The following RPIA variants were observed in gnomAD, a reference collection of about 807,000 sequenced individuals.
RPIA encodes the protein ribose 5-phosphate isomerase A.
A neutral mutation model predicts 37.8 loss-of-function variants in RPIA; 29 were observed. That is an observed-to-expected ratio of 0.77 (90% CI 0.57 to 1.05). The LOEUF (loss-of-function observed/expected upper bound fraction) is 1.05, where lower values mean the gene tolerates loss of function less well. Among genes scored for constraint, RPIA ranks in the 50% least tolerant of loss-of-function variants. The pLI, the probability that RPIA is intolerant of heterozygous loss-of-function variation, is 0.00. For synonymous variants in RPIA, 167 were observed against 157.0 expected, an observed-to-expected ratio of 1.06 and a Z score of -0.48; for missense variants, 385 against 413.6, an observed-to-expected ratio of 0.93 and a Z score of 0.60.
At chr2:88,699,193 T>C (rs1672796999) in intron 2 of RPIA, among the ~76,000 whole-genome samples, 1 of 152,232 alleles carries the variant, frequency 6.6e-6, no homozygotes, top group Non-Finnish European at 1.5e-5. Context: ...GTGGTTTTAG[T>C]GCTGGTGTGA....
chr2:88,710,919 T>TA (rs1368944349), intron 3 of RPIA, among the ~76,000 whole-genome samples: 1 of 152,218 alleles, frequency 6.6e-6, no homozygotes, highest in Non-Finnish European at 1.5e-5. Context: ...TCTGCTCTCT[T>TA]AGGTGTTTCA....
chr2:88,719,531 T>C (rs1469981969), intron 3 of RPIA, among the ~76,000 whole-genome samples: 3 of 152,162 alleles, frequency 2.0e-5, no homozygotes, highest in South Asian at 2.1e-4. Context: ...TTTGGAAATA[T>C]TGTCAAATAT....
At chr2:88,716,298 C>T (rs1006106424) in intron 3 of RPIA, among the ~76,000 whole-genome samples, 1 of 152,192 alleles carries the variant, frequency 6.6e-6, no homozygotes, top group Non-Finnish European at 1.5e-5. Flanking sequence ...ACATCTGATA[C>T]ATATTGATTG....
chr2:88,695,347 A>G (rs1672719590), intron 1 of RPIA, among the ~76,000 whole-genome samples: 1 of 152,206 alleles, frequency 6.6e-6, no homozygotes, highest in South Asian at 2.1e-4. Context: ...CAACCAGTGG[A>G]ACCTTATGGT....
At chr2:88,734,301 A>G (rs1336186482) in intron 4 of RPIA, among the ~76,000 whole-genome samples, 1 of 152,102 alleles carries the variant, frequency 6.6e-6, no homozygotes, top group African/African-American at 2.4e-5. Flanking sequence ...GAAGCCCATC[A>G]ATGAGAAAAG....
intron 1 of RPIA, among the ~76,000 whole-genome samples, chr2:88,693,637 T>C (rs1295661241): frequency 6.6e-6 from 1 of 152,280 alleles, no homozygotes; most frequent in African/African-American, 2.4e-5. Context: ...TCATTTAGCA[T>C]TGGTCACAGT....
intron 1 of RPIA, among the ~76,000 whole-genome samples, chr2:88,696,146 AG>A (rs1385624010): frequency 6.6e-6 from 1 of 152,164 alleles, no homozygotes; most frequent in Non-Finnish European, 1.5e-5. Flanking sequence ...CCTAAAAAGA[AG>A]GTTTTACTAT....
At chr2:88,734,486 T>C (rs1673291159) in intron 4 of RPIA, 66 bp from the exon 5 acceptor site, 4 of 1,474,276 alleles carry the variant, frequency 2.7e-6, no homozygotes, top group Non-Finnish European at 3.8e-6. Context: ...AGCTATCGCA[T>C]GCTCAGGCAA....
intron 5 of RPIA, 96 bp downstream of exon 5, chr2:88,734,712 A>G (rs1673294727): frequency 2.3e-6 from 3 of 1,294,468 alleles, no homozygotes; most frequent in Non-Finnish European, 3.4e-6. Context: ...CCACTGTGAC[A>G]TATGCAAGTT....
intron 4 of RPIA, among the ~76,000 whole-genome samples, chr2:88,732,583 T>A (rs1573475035): frequency 2.2e-4 from 1 of 4,632 alleles, no homozygotes; most frequent in Non-Finnish European, 4.3e-4. Context: ...TGTGGTGGGG[T>A]CGGGGGAGGG....
At chr2:88,746,937 G>A (rs879905628) in intron 8 of RPIA, among the ~76,000 whole-genome samples, 1 of 152,190 alleles carries the variant, frequency 6.6e-6, no homozygotes, top group Non-Finnish European at 1.5e-5. Context: ...AGTAGTATAG[G>A]GGGGATACAA....
intron 8 of RPIA, among the ~76,000 whole-genome samples, chr2:88,739,806 C>T (rs772198724): frequency 1.8e-4 from 28 of 152,066 alleles, no homozygotes; most frequent in Admixed American, 2.6e-4. Context: ...TTTATAGAAA[C>T]GGGGTTTCAC....
At position 88,721,563 on chromosome 2, in the gene RPIA, ACACACACACC is replaced by A. The variant is rs1408306621; in HGVS notation, c.403-7713_403-7704del. 4.3e-3 allele frequency among the ~76,000 whole-genome samples: 271 copies of A among 62,354 alleles called. 3 individuals are homozygous for A. Among genetic ancestry groups the A allele is most frequent in the African/African-American group, 0.017 (252 of 15,254 alleles). The allele number at this position is 62,354 out of a possible 152,430, so 40.9% of individuals were successfully genotyped here. A position where few individuals can be genotyped will look rare whatever the true frequency, so the allele number is the denominator to read the frequency against. On this transcript the variant is annotated intron_variant, in intron 3 of 8. Coordinates refer to ENST00000283646, the MANE Select transcript of RPIA (RefSeq NM_144563.3). The stretch of plus-strand genomic sequence containing the variant: ...ATATTATACACACACACACACACAC[ACACACACACC>A]CCCCCCCCCACATGCACACATGTTT...
chr2:88,720,088 G>A (rs1204967785), intron 3 of RPIA, among the ~76,000 whole-genome samples: 1 of 152,136 alleles, frequency 6.6e-6, no homozygotes, highest in African/African-American at 2.4e-5. Context: ...GGGGCCTGAT[G>A]ATGAGGCTTT....
chr2:88,730,368 TTA>T (rs1303405728), intron 4 of RPIA, among the ~76,000 whole-genome samples: 1 of 104,878 alleles, frequency 9.5e-6, no homozygotes, highest in Admixed American at 8.5e-5. Context: ...ATCAAAAAGC[TTA>T]TCCACCATGA....
At chr2:88,734,974 A>G (rs549857721) in intron 5 of RPIA, among the ~76,000 whole-genome samples, 15 of 152,330 alleles carry the variant, frequency 9.8e-5, no homozygotes, top group South Asian at 4.1e-4. Context: ...AGCTGTGCTT[A>G]CTTCTGTGAG....
At chr2:88,711,826 T>C (rs1009040387) in intron 3 of RPIA, among the ~76,000 whole-genome samples, 2 of 152,246 alleles carry the variant, frequency 1.3e-5, no homozygotes, top group East Asian at 3.8e-4. Context: ...TTGCTACAAA[T>C]AGTTTGTTTT....
chr2:88,694,147 C>T (rs1231956692), intron 1 of RPIA, among the ~76,000 whole-genome samples: 1 of 152,254 alleles, frequency 6.6e-6, no homozygotes, highest in South Asian at 2.1e-4. Flanking sequence ...TCTAGCAGGG[C>T]CTGCTTGGCA....
chr2:88,694,825 G>T (rs1361087486), intron 1 of RPIA, among the ~76,000 whole-genome samples: 1 of 152,144 alleles, frequency 6.6e-6, no homozygotes, highest in Non-Finnish European at 1.5e-5. Flanking sequence ...AAGGAATGCT[G>T]CAGGTGAAGA....
Sources: gnomAD v4.1 joint callset for allele counts (sites outside exome capture counted in the v4.1 genomes callset) on GRCh38, gnomAD v4.1.1 for gene constraint, MANE v1.5 for transcripts, NCBI Gene and HGNC (gene_info 2026-07-23, HGNC 2026-07-21) for gene names.